TMEM87A: variants seen among roughly 807,000 people sequenced by gnomAD.
TMEM87A encodes the protein Golgi-pH regulating cation channel.
Under a neutral mutation model 90.0 loss-of-function variants are expected in TMEM87A, and 50 were observed. That is an observed-to-expected ratio of 0.56 (90% CI 0.44 to 0.70). The LOEUF (loss-of-function observed/expected upper bound fraction) is 0.70. Among genes scored for constraint, TMEM87A ranks in the 30% least tolerant of loss-of-function variants. The pLI is 0.00. For missense variants in TMEM87A, 577 were observed against 660.5 expected (o/e 0.87, Z 1.39); for synonymous variants, 226 against 226.7 (o/e 1.00, Z 0.03).
At chr15:42,260,406 T>C (rs2051265746) in intron 6 of TMEM87A, among the ~76,000 whole-genome samples, 1 of 152,172 alleles carries the variant, frequency 6.6e-6, no homozygotes, top group African/African-American at 2.4e-5. Context: ...CTGTAATATG[T>C]ATATTATACC....
chr15:42,235,988 C>T (rs181942149), intron 10 of TMEM87A, among the ~76,000 whole-genome samples: 2 of 150,432 alleles, frequency 1.3e-5, no homozygotes, highest in African/African-American at 4.9e-5. Flanking sequence ...AGCAAGAATG[C>T]GTTTCCCATA....
chr15:42,244,378 T>C (rs572855896), intron 6 of TMEM87A, among the ~76,000 whole-genome samples: 1 of 152,218 alleles, frequency 6.6e-6, no homozygotes, highest in African/African-American at 2.4e-5. Flanking sequence ...AGATACCATG[T>C]CTTGTACACA....
At chr15:42,273,103 G>GAGGT in intron 1 of TMEM87A, 152 bp downstream of exon 1, 2 of 918,570 alleles carry the variant, frequency 2.2e-6, no homozygotes, top group Admixed American at 4.6e-5. Flanking sequence ...CCACTCCAGG[G>GAGGT]AGGTGGGTCC....
intron 9 of TMEM87A, 51 bp from the exon 10 acceptor site, chr15:42,236,470 G>C: frequency 6.7e-7 from 1 of 1,500,976 alleles, no homozygotes; most frequent in South Asian, 1.1e-5. Context: ...TTGGCAACAG[G>C]CCAGATGCCA....
intron 7 of TMEM87A, among the ~76,000 whole-genome samples, chr15:42,240,312 C>G (rs926710999): frequency 1.3e-5 from 2 of 151,960 alleles, no homozygotes; most frequent in African/African-American, 4.8e-5. Flanking sequence ...TTAACTCACA[C>G]AAAAAAATAT....
intron 6 of TMEM87A, among the ~76,000 whole-genome samples, chr15:42,255,120 G>C (rs750996306): frequency 1.2e-4 from 18 of 151,806 alleles, no homozygotes; most frequent in Non-Finnish European, 2.4e-4. Flanking sequence ...GCACAACCAT[G>C]CTGGGTAAAT....
intron 8 of TMEM87A, among the ~76,000 whole-genome samples, chr15:42,238,599 A>G (rs969056812): frequency 3.3e-5 from 5 of 151,770 alleles, no homozygotes; most frequent in Non-Finnish European, 7.4e-5. Flanking sequence ...TAAAATAAAA[A>G]TTAGCCAGGC....
rs377568931 is a variant in TMEM87A, at chr15:42,227,674, A to C, written c.1299+37T>G. On this transcript the variant is annotated intron_variant, in intron 14 of 19. Coordinates refer to ENST00000389834, the MANE Select transcript of TMEM87A (RefSeq NM_015497.5). Reference sequence around the variant, plus strand: ...TCATCAACACCATCAGTTGTTTATAAGACAGTACATTATTCATAAATGTGC... The same window carrying C: ...TCATCAACACCATCAGTTGTTTATACGACAGTACATTATTCATAAATGTGC... 2.1e-4 allele frequency: 326 copies of C among 1,575,658 alleles called. 1 individual carries two copies. Among genetic ancestry groups the C allele is most frequent in the Admixed American group, 6.8e-4 (41 of 59,974 alleles).
intron 1 of TMEM87A, chr15:42,272,670 C>T (rs2051563972): frequency 3.1e-6 from 1 of 318,158 alleles, no homozygotes. Flanking sequence ...GAAAGACTAG[C>T]CTTACCACAT....
intron 3 of TMEM87A, 96 bp downstream of exon 3, chr15:42,267,851 C>T (rs1369731132): frequency 1.2e-5 from 11 of 943,314 alleles, no homozygotes; most frequent in Non-Finnish European, 1.7e-5. Flanking sequence ...TCTCCTCCTC[C>T]ATAGCTACAT....
At chr15:42,212,032 A>G (rs895388916) in intron 19 of TMEM87A, among the ~76,000 whole-genome samples, 1 of 152,220 alleles carries the variant, frequency 6.6e-6, no homozygotes, top group Non-Finnish European at 1.5e-5. Flanking sequence ...AAATATTTAC[A>G]TAAGATTAGG....
intron 19 of TMEM87A, among the ~76,000 whole-genome samples, chr15:42,216,117 G>A (rs2140910003): frequency 6.6e-6 from 1 of 152,296 alleles, no homozygotes; most frequent in East Asian, 1.9e-4. Context: ...ATTATGCTAA[G>A]TGAAATAAGC....
chr15:42,238,040 T>C (rs2050807465), intron 8 of TMEM87A, among the ~76,000 whole-genome samples: 2 of 151,260 alleles, frequency 1.3e-5, no homozygotes, highest in East Asian at 3.9e-4. Flanking sequence ...TGTGTGTATG[T>C]ATGTATCACA....
chr15:42,244,404 A>T (rs564915649), intron 6 of TMEM87A, among the ~76,000 whole-genome samples: 1 of 151,990 alleles, frequency 6.6e-6, no homozygotes, highest in Non-Finnish European at 1.5e-5. Context: ...CACATTTAAC[A>T]TATTTTTTTA....
intron 7 of TMEM87A, among the ~76,000 whole-genome samples, chr15:42,243,301 T>G (rs924267166): frequency 3.3e-4 from 38 of 114,258 alleles, no homozygotes; most frequent in Admixed American, 1.3e-3. Context: ...AATAAATAAA[T>G]AAATAAATAA....
intron 15 of TMEM87A, among the ~76,000 whole-genome samples, chr15:42,226,438 AAAC>A (rs1466993910): frequency 6.6e-6 from 1 of 152,202 alleles, no homozygotes; most frequent in Non-Finnish European, 1.5e-5. Flanking sequence ...GCACTGGAAA[AAAC>A]AAAATATGTA....
chr15:42,271,873 G>T lies in TMEM87A; in HGVS notation c.205+190C>A, dbSNP rs527727056. Among the ~76,000 whole-genome samples, 65 of 150,996 alleles carry T rather than the reference G, an allele frequency of 4.3e-4. No homozygotes were observed. In the South Asian group the frequency reaches 0.013, roughly 30 times the overall value. On this transcript the variant is annotated intron_variant, in intron 2 of 19. Coordinates refer to ENST00000389834, the MANE Select transcript of TMEM87A (RefSeq NM_015497.5). ...TGCAATGTAAACACCAGAAAAACAAGAGAAGAAAATAAAGTTCACACGAGT... is the reference window on the plus strand; with the variant it reads ...TGCAATGTAAACACCAGAAAAACAATAGAAGAAAATAAAGTTCACACGAGT...
intron 11 of TMEM87A, among the ~76,000 whole-genome samples, chr15:42,232,415 C>T (rs185126806): frequency 6.6e-6 from 1 of 152,294 alleles, no homozygotes; most frequent in East Asian, 1.9e-4. Flanking sequence ...TGGTTTCCTT[C>T]CCTGGCAAAG....
intron 2 of TMEM87A, chr15:42,271,643 T>A (rs1326914105): frequency 6.5e-6 from 1 of 154,368 alleles, no homozygotes; most frequent in Non-Finnish European, 1.4e-5. Flanking sequence ...CCATACAAAC[T>A]AGGCGTGTAG....
Sources: gnomAD v4.1 joint callset for allele counts (sites outside exome capture counted in the v4.1 genomes callset) on GRCh38, gnomAD v4.1.1 for gene constraint, MANE v1.5 for transcripts, NCBI Gene and HGNC (gene_info 2026-07-23, HGNC 2026-07-21) for gene names.